The following GPC6 variants were observed in gnomAD, a reference collection of about 807,000 sequenced individuals.
GPC6 encodes the protein glypican 6.
GPC6 carries 14 observed loss-of-function variants against 55.2 expected under a neutral mutation model. That is an observed-to-expected ratio of 0.25 (90% CI 0.17 to 0.40). The LOEUF (loss-of-function observed/expected upper bound fraction) is 0.40, where lower values mean the gene tolerates loss of function less well. Ranked by LOEUF, GPC6 falls within the 10% of genes least tolerant of loss-of-function variation. The pLI is 1.00. For synonymous variants in GPC6, 278 were observed against 259.6 expected (o/e 1.07, Z -0.68); for missense variants, 641 against 708.5 (o/e 0.90, Z 1.08).
At chr13:93,952,956 AAACAC>A (rs1879336831) in intron 3 of GPC6, among the ~76,000 whole-genome samples, 1 of 150,152 alleles carries the variant, frequency 6.7e-6, no homozygotes, top group Admixed American at 6.7e-5. Flanking sequence ...GTTTGGCTCA[AAACAC>A]CTCTATTATT....
At chr13:93,867,323 G>A (rs1888997388) in intron 3 of GPC6, among the ~76,000 whole-genome samples, 2 of 151,606 alleles carry the variant, frequency 1.3e-5, no homozygotes, top group Admixed American at 6.6e-5. Context: ...ATTGAGGTAG[G>A]GCATGACAGC....
At chr13:93,640,815 C>G (rs1879898867) in intron 2 of GPC6, among the ~76,000 whole-genome samples, 1 of 65,794 alleles carries the variant, frequency 1.5e-5, no homozygotes, top group South Asian at 4.3e-4. Context: ...TTCCTTCCTT[C>G]TTTCCTTCCT....
At chr13:94,044,971 CT>C (rs1175835789) in intron 4 of GPC6, among the ~76,000 whole-genome samples, 2 of 151,644 alleles carry the variant, frequency 1.3e-5, no homozygotes, top group Non-Finnish European at 2.9e-5. Context: ...ACTAAGAAAA[CT>C]TCATAATGGG....
intron 4 of GPC6, among the ~76,000 whole-genome samples, chr13:94,090,681 AATAC>A (rs1275854429): frequency 1.8e-5 from 1 of 54,156 alleles, no homozygotes; most frequent in Non-Finnish European, 5.0e-5. Context: ...AACATTACTT[AATAC>A]TTACATCAAC....
chr13:93,806,510 T>C (rs957620037), intron 2 of GPC6, among the ~76,000 whole-genome samples: 4 of 152,162 alleles, frequency 2.6e-5, no homozygotes, highest in Non-Finnish European at 5.9e-5. Context: ...CAGCTAATTT[T>C]TGTATTTTTA....
In GPC6 at chr13:93,510,959, A is replaced by G. The variant is rs11619500; in HGVS notation, c.161-34304A>G. On this transcript the variant is annotated intron_variant, in intron 1 of 8. Transcript: ENST00000377047. ...ATGTTTTCTTTTGAGAAATATATATATATATATATATGTGTATATATATAT... is the reference window on the plus strand; with the variant it reads ...ATGTTTTCTTTTGAGAAATATATATGTATATATATATGTGTATATATATAT... 1.4e-3 allele frequency among the ~76,000 whole-genome samples: 26 copies of G among 18,882 alleles called. 1 individual carries two copies. The highest frequency in any genetic ancestry group is 9.7e-3 in the South Asian group (4 of 414). The allele number at this position is 18,882 out of a possible 152,430, so 12.4% of individuals were successfully genotyped here.
chr13:93,860,886 A>G (rs189083694), intron 3 of GPC6, among the ~76,000 whole-genome samples: 1 of 151,804 alleles, frequency 6.6e-6, no homozygotes, highest in East Asian at 2.0e-4. Context: ...AAATGAAAAT[A>G]TAATAACTCA....
chr13:93,421,129 C>T (rs114413592), intron 1 of GPC6, among the ~76,000 whole-genome samples: 3,053 of 152,172 alleles, frequency 0.02, 116 homozygotes, highest in African/African-American at 0.069. Flanking sequence ...TAGAGGGAAT[C>T]AGCTGCAGCC....
intron 4 of GPC6, among the ~76,000 whole-genome samples, chr13:94,081,356 C>G (rs1434849339): frequency 6.6e-6 from 1 of 152,146 alleles, no homozygotes; most frequent in Non-Finnish European, 1.5e-5. Flanking sequence ...CATATTATCT[C>G]TTCAGTTACT....
At chr13:94,011,650 G>A (rs991654199) in intron 3 of GPC6, among the ~76,000 whole-genome samples, 19 of 152,108 alleles carry the variant, frequency 1.2e-4, no homozygotes, top group Admixed American at 1.2e-3. Flanking sequence ...GAATTCCTCC[G>A]TGTTCCCAAT....
chr13:93,499,091 T>TCACACACACACACACA lies in GPC6; in HGVS notation c.161-46159_161-46144dup, dbSNP rs61370011. Among the ~76,000 whole-genome samples, 46 of 133,738 alleles carry TCACACACACACACACA rather than the reference T, an allele frequency of 3.4e-4. 1 individual carries two copies. The highest frequency in any genetic ancestry group is 9.8e-4 in the South Asian group (4 of 4,080). The allele number at this position is 133,738 out of a possible 152,430, so 87.7% of individuals were successfully genotyped here. A position where few individuals can be genotyped will look rare whatever the true frequency, so the allele number is the denominator to read the frequency against. On this transcript the variant is annotated intron_variant, in intron 1 of 8. Transcript: ENST00000377047. ...ATAGTATATCCACAATCCTTAATTGTCACACACACACACACACACACACAC... is the reference window on the plus strand; with the variant it reads ...ATAGTATATCCACAATCCTTAATTGTCACACACACACACACACACACACACACACACACACACACAC...
At chr13:94,274,570 G>A (rs548001303) in intron 4 of GPC6, among the ~76,000 whole-genome samples, 26 of 152,152 alleles carry the variant, frequency 1.7e-4, no homozygotes, top group Non-Finnish European at 3.4e-4. Flanking sequence ...ACACCATACA[G>A]GGTTGGCAGA....
intron 1 of GPC6, among the ~76,000 whole-genome samples, chr13:93,533,817 A>ATC (rs58512590): frequency 0.19 from 29,095 of 151,748 alleles, 3,341 homozygotes; most frequent in African/African-American, 0.31. Context: ...ACTGCTGACC[A>ATC]TCCTGCTTGA....
At chr13:93,266,316 A>G (rs548248835) in intron 1 of GPC6, among the ~76,000 whole-genome samples, 53 of 152,308 alleles carry the variant, frequency 3.5e-4, no homozygotes, top group Non-Finnish European at 3.8e-4. Flanking sequence ...CAAATAATAC[A>G]TTATAGACGC....
chr13:93,821,316 T>A (rs1018898597), intron 2 of GPC6, among the ~76,000 whole-genome samples: 1 of 152,226 alleles, frequency 6.6e-6, no homozygotes, highest in Non-Finnish European at 1.5e-5. Context: ...TCGTAAAGTA[T>A]GTTCTCTGAA....
intron 1 of GPC6, among the ~76,000 whole-genome samples, chr13:93,380,425 T>C (rs998099946): frequency 6.6e-6 from 1 of 152,196 alleles, no homozygotes; most frequent in Non-Finnish European, 1.5e-5. Context: ...TAAGGTCATA[T>C]AAATGTTCTA....
At chr13:94,380,557 A>C (rs1880112799) in intron 6 of GPC6, among the ~76,000 whole-genome samples, 1 of 152,008 alleles carries the variant, frequency 6.6e-6, no homozygotes, top group African/African-American at 2.4e-5. Context: ...TTCTTTATAC[A>C]TCTGTATATT....
intron 1 of GPC6, among the ~76,000 whole-genome samples, chr13:93,469,650 C>A (rs1879039286): frequency 6.6e-6 from 1 of 152,088 alleles, no homozygotes; most frequent in Non-Finnish European, 1.5e-5. Context: ...TTCTGTGGGT[C>A]ATGCTTTTGG....
intron 2 of GPC6, among the ~76,000 whole-genome samples, chr13:93,672,658 C>CAT (rs145132164): frequency 0.5 from 74,967 of 148,794 alleles, 20,881 homozygotes; most frequent in Middle Eastern, 0.76. Context: ...ATATATATGC[C>CAT]ATATATATAT....
Sources: allele counts gnomAD v4.1 joint callset (sites outside exome capture counted in the v4.1 genomes callset), GRCh38; gene constraint gnomAD v4.1.1; transcripts MANE v1.5; gene names NCBI Gene and HGNC (gene_info 2026-07-23, HGNC 2026-07-21).